The following SORCS2 variants were observed in gnomAD, a reference collection of about 807,000 sequenced individuals.
SORCS2 encodes VPS10 domain-containing receptor SorCS2.
A neutral mutation model predicts 141.6 loss-of-function variants in SORCS2; 100 were observed. That is an observed-to-expected ratio of 0.71 (90% CI 0.60 to 0.83). SORCS2 has a LOEUF of 0.83. SORCS2 is among the 40% of genes least tolerant of loss of function. The pLI is 0.00. For missense variants in SORCS2, 1,646 were observed against 1,560.2 expected, an observed-to-expected ratio of 1.05 and a Z score of -0.93; for synonymous variants, 789 against 676.9, an observed-to-expected ratio of 1.17 and a Z score of -2.57.
intron 1 of SORCS2, among the ~76,000 whole-genome samples, chr4:7,275,833 C>T (rs959228915): frequency 6.6e-6 from 1 of 152,192 alleles, no homozygotes; most frequent in African/African-American, 2.4e-5. Context: ...GAGGGTCTGA[C>T]TCTCTCCTGT....
intron 1 of SORCS2, among the ~76,000 whole-genome samples, chr4:7,229,958 T>C (rs948945074): frequency 4.3e-5 from 6 of 140,622 alleles, no homozygotes; most frequent in Non-Finnish European, 7.6e-5. Flanking sequence ...CATGTGCTCA[T>C]GTATGAAGGA....
chr4:7,219,648 A>T (rs1190742354), intron 1 of SORCS2, among the ~76,000 whole-genome samples: 1 of 152,162 alleles, frequency 6.6e-6, no homozygotes, highest in Admixed American at 6.5e-5. Context: ...TCTCGTGAGA[A>T]CTCACTCACT....
At chr4:7,214,603 T>C (rs1728218984) in intron 1 of SORCS2, among the ~76,000 whole-genome samples, 1 of 152,142 alleles carries the variant, frequency 6.6e-6, no homozygotes, top group Admixed American at 6.5e-5. Context: ...TGCTAAGGAG[T>C]AGCCCTGGGA....
chr4:7,484,494 CA>C (rs1730851928), intron 2 of SORCS2, among the ~76,000 whole-genome samples: 1 of 152,028 alleles, frequency 6.6e-6, no homozygotes, highest in Admixed American at 6.6e-5. Flanking sequence ...CAGTCTCTAG[CA>C]AGATTTGTGG....
chr4:7,257,773 C>T (rs1714001192), intron 1 of SORCS2, among the ~76,000 whole-genome samples: 1 of 152,250 alleles, frequency 6.6e-6, no homozygotes, highest in Non-Finnish European at 1.5e-5. Flanking sequence ...CCTTCTCTGC[C>T]TGCTCTGTGC....
chr4:7,499,013 C>T (rs1077004), intron 2 of SORCS2, among the ~76,000 whole-genome samples: 3,275 of 152,252 alleles, frequency 0.022, 60 homozygotes, highest in Admixed American at 0.065. Flanking sequence ...GGGGCAGCAC[C>T]GTGGAGACGG....
chr4:7,368,935 T>C (rs1722078014), intron 1 of SORCS2, among the ~76,000 whole-genome samples: 1 of 152,104 alleles, frequency 6.6e-6, no homozygotes, highest in Admixed American at 6.5e-5. Flanking sequence ...TTGCACGTGC[T>C]CTTCTCTGTG....
Position 7,524,261 on chromosome 4 carries a change from G to A in SORCS2, c.549-7269G>A, listed in dbSNP as rs534048648. 9.0e-4 allele frequency among the ~76,000 whole-genome samples: 137 copies of A among 152,290 alleles called. 1 individual carries two copies. Among genetic ancestry groups the A allele is most frequent in the African/African-American group, 3.1e-3 (129 of 41,564 alleles). On this transcript the variant is annotated intron_variant, in intron 2 of 26. Transcript: ENST00000507866. ...ATGTGAAATCGAGGCAGAGAGTGGC[G>A]CAATGCAGCCTCAATCTCAGGGACG... is the stretch of plus-strand genomic sequence containing the variant.
chr4:7,391,740 C>T (rs76054933), intron 1 of SORCS2, among the ~76,000 whole-genome samples: 5,744 of 152,234 alleles, frequency 0.038, 242 homozygotes, highest in African/African-American at 0.09. Context: ...CTCTGAACCT[C>T]AGTTTCCTTA....
chr4:7,468,952 C>A (rs1393172749), intron 2 of SORCS2, among the ~76,000 whole-genome samples: 1 of 152,192 alleles, frequency 6.6e-6, no homozygotes, highest in East Asian at 1.9e-4. Flanking sequence ...CTCTGAACTG[C>A]AATGTGCTCA....
intron 1 of SORCS2, among the ~76,000 whole-genome samples, chr4:7,363,278 CATT>C (rs937640780): frequency 6.1e-4 from 90 of 147,996 alleles, no homozygotes; most frequent in African/African-American, 2.2e-3. Context: ...TTACCATGAT[CATT>C]ATCATCATTA....
chr4:7,556,094 G>A (rs1714084024), intron 3 of SORCS2, among the ~76,000 whole-genome samples: 1 of 152,228 alleles, frequency 6.6e-6, no homozygotes. Flanking sequence ...CAACGTTAGG[G>A]TTGTATTTGG....
In SORCS2 at chr4:7,326,984, G is replaced by A. The variant is rs114646019; in HGVS notation, c.481-69304G>A. On this transcript the variant is annotated intron_variant, in intron 1 of 26. Transcript: ENST00000507866. ...TGGTCACCCGTGGCTGAGGGCCTCCGGGCCTCCACCCCTGCCCACAGCTGC... is the reference window on the plus strand; with the variant it reads ...TGGTCACCCGTGGCTGAGGGCCTCCAGGCCTCCACCCCTGCCCACAGCTGC... 4.0e-3 allele frequency among the ~76,000 whole-genome samples: 613 copies of A among 152,292 alleles called. 5 individuals carry two copies. The highest frequency in any genetic ancestry group is 0.014 in the African/African-American group (574 of 41,572).
intron 3 of SORCS2, among the ~76,000 whole-genome samples, chr4:7,556,379 G>A (rs1450071604): frequency 6.6e-6 from 1 of 152,066 alleles, no homozygotes; most frequent in Non-Finnish European, 1.5e-5. Flanking sequence ...TCCAGGGGGC[G>A]CTGGGCTGGA....
intron 1 of SORCS2, among the ~76,000 whole-genome samples, chr4:7,371,175 C>G (rs917573870): frequency 6.6e-6 from 1 of 152,196 alleles, no homozygotes; most frequent in Non-Finnish European, 1.5e-5. Context: ...GCAGGTGTCC[C>G]CCTCAACCTG....
chr4:7,250,560 C>T (rs549101820), intron 1 of SORCS2, among the ~76,000 whole-genome samples: 2 of 152,242 alleles, frequency 1.3e-5, no homozygotes, highest in Non-Finnish European at 2.9e-5. Context: ...GGAATAACTA[C>T]GTTCCCAGCG....
intron 1 of SORCS2, among the ~76,000 whole-genome samples, chr4:7,196,347 G>A (rs1056356009): frequency 1.2e-4 from 19 of 152,244 alleles, no homozygotes; most frequent in Admixed American, 1.0e-3. Context: ...ACAGAGTGTG[G>A]CTCTCAGCCT....
At chr4:7,722,880 C>A (rs1726686038) in intron 18 of SORCS2, among the ~76,000 whole-genome samples, 1 of 152,144 alleles carries the variant, frequency 6.6e-6, no homozygotes. Flanking sequence ...GGTTAGTAAT[C>A]ACGCTGTTTC....
chr4:7,565,416 T>A (rs1008800092), intron 3 of SORCS2, among the ~76,000 whole-genome samples: 1 of 151,890 alleles, frequency 6.6e-6, no homozygotes, highest in Non-Finnish European at 1.5e-5. Context: ...AAGATGATGA[T>A]AAAGGAGATC....
Sources: allele counts gnomAD v4.1 joint callset (sites outside exome capture counted in the v4.1 genomes callset), GRCh38; gene constraint gnomAD v4.1.1; transcripts MANE v1.5; gene names NCBI Gene and HGNC (gene_info 2026-07-23, HGNC 2026-07-21).